EPHA4: variants seen among roughly 807,000 people sequenced by gnomAD.
EPHA4 encodes the protein EPH receptor A4.
EPHA4 carries 19 observed loss-of-function variants against 108.3 expected under a neutral mutation model. The ratio of observed to expected loss-of-function variants is 0.18; its 90% CI spans 0.12 to 0.26. The LOEUF is 0.26. Ranked by LOEUF, EPHA4 falls within the 10% of genes least tolerant of loss-of-function variation. EPHA4 has a pLI of 1.00. For missense variants in EPHA4, 917 were observed against 1,254.0 expected, an observed-to-expected ratio of 0.73 and a Z score of 4.06; for synonymous variants, 449 against 455.5, an observed-to-expected ratio of 0.99 and a Z score of 0.18.
chr2:221,533,830 A>T (rs185938665), intron 3 of EPHA4, among the ~76,000 whole-genome samples: 2 of 150,458 alleles, frequency 1.3e-5, no homozygotes, highest in Admixed American at 1.3e-4. Context: ...AACCTTCTCC[A>T]GGGCTATCCC....
At chr2:221,500,253 G>T (rs569749966) in intron 4 of EPHA4, among the ~76,000 whole-genome samples, 3 of 152,140 alleles carry the variant, frequency 2.0e-5, no homozygotes, top group African/African-American at 4.8e-5. Flanking sequence ...TCTGTGGAAG[G>T]TGTCTGACCT....
intron 4 of EPHA4, among the ~76,000 whole-genome samples, chr2:221,490,258 TAA>T (rs796139643): frequency 9.5e-5 from 11 of 116,020 alleles, no homozygotes; most frequent in African/African-American, 1.2e-4. Context: ...TGCTAAAATG[TAA>T]AAAAAAAAAA....
chr2:221,523,071 T>TATGCAGCA (rs1487991011), intron 3 of EPHA4, among the ~76,000 whole-genome samples: 11 of 150,624 alleles, frequency 7.3e-5, no homozygotes, highest in Non-Finnish European at 1.3e-4. Context: ...CCAAAAGATT[T>TATGCAGCA]TTTTAAACTG....
chr2:221,483,059 C>T (rs1460882632), intron 4 of EPHA4, among the ~76,000 whole-genome samples: 5 of 152,132 alleles, frequency 3.3e-5, no homozygotes, highest in African/African-American at 7.2e-5. Context: ...TTCCCAGGGC[C>T]GTTGTGAGAC....
At chr2:221,476,952 T>G (rs1691670289) in intron 5 of EPHA4, among the ~76,000 whole-genome samples, 1 of 152,212 alleles carries the variant, frequency 6.6e-6, no homozygotes, top group Admixed American at 6.5e-5. Context: ...GATTTGATTT[T>G]ACTGTAAATA....
At position 221,423,841 on chromosome 2, in the gene EPHA4, C is replaced by T. The variant is rs533317649; in HGVS notation, c.*819+1368G>A. ...TAGTTAAAATACAATGCCACCTGGG[C>T]GCAGTGACCGACGCCTGTAATCCCA... On this transcript the variant is annotated intron_variant, in intron 17 of 17. Coordinates refer to ENST00000281821, the MANE Select transcript of EPHA4 (RefSeq NM_004438.5). Among the ~76,000 whole-genome samples the T allele has an allele frequency of 1.8e-4, 27 of 152,014 alleles. No homozygotes were observed. In the East Asian group the frequency reaches 4.4e-3, roughly 25 times the overall value.
At chr2:221,450,469 A>G (rs1690745306) in intron 8 of EPHA4, among the ~76,000 whole-genome samples, 2 of 152,258 alleles carry the variant, frequency 1.3e-5, no homozygotes, top group South Asian at 4.1e-4. Flanking sequence ...TTGGTTCCAT[A>G]GAACTGCCAA....
At chr2:221,452,104 AAACTTTCT>A (rs1690805466) in intron 8 of EPHA4, among the ~76,000 whole-genome samples, 1 of 152,232 alleles carries the variant, frequency 6.6e-6, no homozygotes, top group African/African-American at 2.4e-5. Context: ...AGAAGGACTG[AAACTTTCT>A]CACTACGTGA....
intron 3 of EPHA4, among the ~76,000 whole-genome samples, chr2:221,543,499 C>A (rs1231559896): frequency 1.3e-5 from 2 of 152,148 alleles, no homozygotes; most frequent in Non-Finnish European, 2.9e-5. Context: ...CATTTTTATA[C>A]ATACAAAATT....
chr2:221,426,193 A>G (rs142648971), intron 16 of EPHA4, 51 bp from the exon 17 acceptor site: 1,209 of 1,494,728 alleles, frequency 8.1e-4, no homozygotes, highest in Non-Finnish European at 1.1e-3. Flanking sequence ...GGGACTGACA[A>G]TCTCTTTTCT....
chr2:221,521,913 G>A (rs1208609703), intron 3 of EPHA4, among the ~76,000 whole-genome samples: 4 of 152,180 alleles, frequency 2.6e-5, no homozygotes, highest in African/African-American at 9.7e-5. Context: ...GGTGGCAGAC[G>A]TTGCAGTGAG....
chr2:221,572,556 C>T (rs542063107), upstream of EPHA4: 750 of 223,998 alleles, frequency 3.3e-3, 5 homozygotes, highest in African/African-American at 0.016. Flanking sequence ...GCGGGATCCC[C>T]CACGTTACCT....
chr2:221,566,935 AAG>A (rs1559297292), intron 2 of EPHA4, among the ~76,000 whole-genome samples: 8 of 64,276 alleles, frequency 1.2e-4, no homozygotes, highest in Admixed American at 3.1e-4. Flanking sequence ...GGAGAAGGAG[AAG>A]GAGAAGGAGA....
intron 11 of EPHA4, among the ~76,000 whole-genome samples, chr2:221,437,819 A>G (rs1220639689): frequency 6.6e-6 from 1 of 151,640 alleles, no homozygotes; most frequent in African/African-American, 2.4e-5. Context: ...GCTACTCAGG[A>G]GGCTGAGGCA....
chr2:221,434,422 C>T, intron 13 of EPHA4, 131 bp from the exon 14 acceptor site: 1 of 932,378 alleles, frequency 1.1e-6, no homozygotes, highest in Non-Finnish European at 1.6e-6. Flanking sequence ...CAATAAGACA[C>T]TTGTTCATTT....
intron 5 of EPHA4, among the ~76,000 whole-genome samples, chr2:221,469,897 G>A (rs1449630439): frequency 1.3e-5 from 2 of 152,084 alleles, no homozygotes; most frequent in Non-Finnish European, 2.9e-5. Context: ...TTTTTTAATC[G>A]TCATTTAAAA....
chr2:221,536,841 C>A (rs1559284102), intron 3 of EPHA4, among the ~76,000 whole-genome samples: 3 of 152,192 alleles, frequency 2.0e-5, no homozygotes, highest in Non-Finnish European at 1.5e-5. Flanking sequence ...TGCTTAGCTT[C>A]TCTGGGCTTT....
chr2:221,480,831 C>A (rs990203225), intron 5 of EPHA4, among the ~76,000 whole-genome samples: 2 of 152,068 alleles, frequency 1.3e-5, no homozygotes, highest in African/African-American at 4.8e-5. Flanking sequence ...GAGTTCAGGG[C>A]AAAATGGAAA....
rs970933125 is a variant in EPHA4 at position 221,571,601 on chromosome 2, G to A, written c.91+557C>T. ...GCGAGGAGAAAGGTGTCTGACTCCGGGTGCTAGAAATCAGGTCACTGGCGC... is the reference window on the plus strand; with the variant it reads ...GCGAGGAGAAAGGTGTCTGACTCCGAGTGCTAGAAATCAGGTCACTGGCGC... On this transcript the variant is annotated intron_variant, in intron 1 of 17. Transcript: ENST00000281821. This position sits in a 1 kb window ranked among gnomAD's most constrained non-coding sequence, Gnocchi z 6.3. Among the ~76,000 whole-genome samples the A allele has an allele frequency of 6.6e-6, 1 of 152,156 alleles. No homozygotes were observed. Among genetic ancestry groups the A allele is most frequent in the African/African-American group, 2.4e-5 (1 of 41,460 alleles).
Sources: gnomAD v4.1 joint callset for allele counts (sites outside exome capture counted in the v4.1 genomes callset) on GRCh38, gnomAD v4.1.1 for gene constraint, Gnocchi (gnomAD v3.1) non-coding constraint, MANE v1.5 for transcripts, NCBI Gene and HGNC (gene_info 2026-07-23, HGNC 2026-07-21) for gene names.